Variants in ACTR3 observed in about 807,000 individuals in gnomAD.
The protein encoded by ACTR3 is actin related protein 3.
A neutral mutation model predicts 56.8 loss-of-function variants in ACTR3; 12 were observed. The observed-to-expected ratio is 0.21, with a 90% confidence interval of 0.14 to 0.34. The LOEUF is 0.34. Among genes scored for constraint, ACTR3 ranks in the 10% least tolerant of loss-of-function variants. The pLI, the probability that ACTR3 is intolerant of heterozygous loss-of-function variation, is 1.00. For missense variants in ACTR3, 282 were observed against 512.5 expected (o/e 0.55, Z 4.34); for synonymous variants, 162 against 167.4 (o/e 0.97, Z 0.25).
intron 1 of ACTR3, among the ~76,000 whole-genome samples, chr2:113,903,899 A>G (rs1679146600): frequency 6.8e-6 from 1 of 146,192 alleles, no homozygotes; most frequent in Admixed American, 6.8e-5. Context: ...CTCTGTTGCC[A>G]AGGCTGGAGT....
rs796206070 is a variant in ACTR3, at chr2:113,943,026, C to G, written c.858+667C>G. Among the ~76,000 whole-genome samples, 20 of 152,258 alleles carry G rather than the reference C, an allele frequency of 1.3e-4. 1 individual carries two copies. The highest frequency in any genetic ancestry group is 4.6e-4 in the African/African-American group (19 of 41,532). On this transcript the variant is annotated intron_variant, in intron 8 of 11. Coordinates refer to ENST00000263238, the MANE Select transcript of ACTR3 (RefSeq NM_005721.5). Reference sequence around the variant, plus strand: ...GTTAAATGGTTTGAATTTTCATGATCTCAGCTTAAGCACTGGGTATTCAAA... The same window carrying G: ...GTTAAATGGTTTGAATTTTCATGATGTCAGCTTAAGCACTGGGTATTCAAA...
chr2:113,900,991 A>G (rs982499330), intron 1 of ACTR3, among the ~76,000 whole-genome samples: 5 of 152,236 alleles, frequency 3.3e-5, no homozygotes, highest in African/African-American at 1.2e-4. Context: ...TCTACTTGAC[A>G]AATTTCCCTG....
intron 3 of ACTR3, among the ~76,000 whole-genome samples, chr2:113,919,166 G>A (rs1411967521): frequency 6.6e-6 from 1 of 151,776 alleles, no homozygotes; most frequent in African/African-American, 2.4e-5. Flanking sequence ...TAAATATGAA[G>A]GCTTTTAAAA....
intron 8 of ACTR3, among the ~76,000 whole-genome samples, chr2:113,944,761 C>CA (rs1397117475): frequency 6.6e-6 from 1 of 151,580 alleles, no homozygotes. Flanking sequence ...GACTTCATTT[C>CA]AAAAAAAATT....
chr2:113,924,573 A>AAT (rs1003448025), intron 3 of ACTR3, among the ~76,000 whole-genome samples: 1 of 152,198 alleles, frequency 6.6e-6, no homozygotes, highest in African/African-American at 2.4e-5. Flanking sequence ...TTTCTTATAG[A>AAT]ATAAAACCTA....
In ACTR3 at chr2:113,959,528, A is replaced by G. The variant is rs1458823077; in HGVS notation, c.*2073A>G. The G allele has an allele frequency of 6.6e-6, 1 of 152,074 alleles. No individual in the cohort carries two copies. Among genetic ancestry groups the G allele is most frequent in the African/African-American group, 2.4e-5 (1 of 41,438 alleles). 9.4% of individuals were successfully genotyped at this position (152,074 alleles called of 1,614,324 possible). ...AACTGTTTGCTACAAAAACATGAAG[A>G]TCAAAAACTTTCTTGAAGCTTACGC... On this transcript the variant is annotated 3_prime_UTR_variant, in exon 12 of 12. Coordinates refer to ENST00000263238, the MANE Select transcript of ACTR3 (RefSeq NM_005721.5).
intron 4 of ACTR3, among the ~76,000 whole-genome samples, chr2:113,929,401 A>G (rs1679678555): frequency 6.6e-6 from 1 of 152,144 alleles, no homozygotes; most frequent in Admixed American, 6.5e-5. Context: ...ATGGCCTCTC[A>G]AAGTGCTGCC....
chr2:113,891,932 T>TA lies in ACTR3; in HGVS notation c.44+1610dup, dbSNP rs544071258. Reference sequence around the variant, plus strand: ...TCTTAGTCTAATTGGTGAGTATTTTTATGTCTAGGTTCAGTTTTAAAATTA... The same window carrying TA: ...TCTTAGTCTAATTGGTGAGTATTTTTAATGTCTAGGTTCAGTTTTAAAATTA... On this transcript the variant is annotated intron_variant, in intron 1 of 11. Coordinates refer to ENST00000263238, the MANE Select transcript of ACTR3 (RefSeq NM_005721.5). Among the ~76,000 whole-genome samples the TA allele has an allele frequency of 1.5e-3, 236 of 152,348 alleles. 1 individual carries two copies. Among genetic ancestry groups the TA allele is most frequent in the African/African-American group, 5.4e-3 (223 of 41,588 alleles).
intron 5 of ACTR3, among the ~76,000 whole-genome samples, chr2:113,932,591 C>T (rs1280847285): frequency 6.6e-6 from 1 of 152,034 alleles, no homozygotes; most frequent in Non-Finnish European, 1.5e-5. Context: ...GTTCAGTAGT[C>T]AATAACATTT....
chr2:113,941,511 G>A (rs1016559032), intron 7 of ACTR3, among the ~76,000 whole-genome samples: 7 of 151,894 alleles, frequency 4.6e-5, no homozygotes, highest in Admixed American at 4.6e-4. Flanking sequence ...TATCTTGGAT[G>A]GTGCCTGTGA....
chr2:113,922,740 G>A (rs1679534447), intron 3 of ACTR3, among the ~76,000 whole-genome samples: 1 of 152,172 alleles, frequency 6.6e-6, no homozygotes, highest in South Asian at 2.1e-4. Flanking sequence ...TTGGTAGACA[G>A]GATGAAAAAA....
At chr2:113,913,407 T>C (rs1296684510) in intron 2 of ACTR3, among the ~76,000 whole-genome samples, 180 bp downstream of exon 2, 1 of 152,092 alleles carries the variant, frequency 6.6e-6, no homozygotes, top group Non-Finnish European at 1.5e-5. Flanking sequence ...TTCAGCTTTA[T>C]GTTTAGCTCC....
chr2:113,947,559 T>A (rs1162511189), intron 8 of ACTR3, among the ~76,000 whole-genome samples: 1 of 152,048 alleles, frequency 6.6e-6, no homozygotes, highest in Non-Finnish European at 1.5e-5. Flanking sequence ...GAGGCTGAGG[T>A]GAGAGTATTG....
intron 1 of ACTR3, among the ~76,000 whole-genome samples, chr2:113,895,783 A>G (rs547413919): frequency 1.3e-5 from 2 of 152,302 alleles, no homozygotes; most frequent in East Asian, 1.9e-4. Flanking sequence ...TAATAGCTAT[A>G]TGACTTTATA....
At chr2:113,951,027 GA>G (rs1680111750) in intron 8 of ACTR3, 1 of 156,174 alleles carries the variant, frequency 6.4e-6, no homozygotes, top group African/African-American at 2.4e-5. Flanking sequence ...CAGTATGGGG[GA>G]AACCACCCTC....
At chr2:113,913,445 T>G (rs560278255) in intron 2 of ACTR3, among the ~76,000 whole-genome samples, 1 of 152,334 alleles carries the variant, frequency 6.6e-6, no homozygotes, top group East Asian at 1.9e-4. Context: ...TAAATACCTC[T>G]TTTTAAAGAA....
rs753136447 is a variant in ACTR3 at position 113,890,251 on chromosome 2, G to GGCA, written c.-15_-13dup. On this transcript the variant is annotated 5_prime_UTR_variant, in exon 1 of 12. Transcript: ENST00000263238. ...CCCCTAGCAGCACGGAGCAGACGGC[G>GGCA]GCAGCAGCAGCAGCAGGCGAGGAGG... 1.7e-5 allele frequency: 26 copies of GGCA among 1,549,814 alleles called. No individual in the cohort carries two copies. Among genetic ancestry groups the GGCA allele is most frequent in the Admixed American group, 9.8e-5 (5 of 50,916 alleles).
At chr2:113,915,058 A>G (rs1216797000) in intron 2 of ACTR3, among the ~76,000 whole-genome samples, 1 of 152,230 alleles carries the variant, frequency 6.6e-6, no homozygotes, top group Non-Finnish European at 1.5e-5. Context: ...TGACTAATGT[A>G]GAGGTACTTC....
chr2:113,936,127 A>T (rs1679820719), intron 6 of ACTR3, among the ~76,000 whole-genome samples: 1 of 151,996 alleles, frequency 6.6e-6, no homozygotes, highest in Non-Finnish European at 1.5e-5. Context: ...CCCTGTCTCT[A>T]CAAAAAATGC....
Sources: allele counts gnomAD v4.1 joint callset (sites outside exome capture counted in the v4.1 genomes callset), GRCh38; gene constraint gnomAD v4.1.1; transcripts MANE v1.5; gene names NCBI Gene and HGNC (gene_info 2026-07-23, HGNC 2026-07-21).